ZFHX2: variants seen among roughly 807,000 people sequenced by gnomAD.
ZFHX2 encodes zinc finger homeobox protein 2.
A neutral mutation model predicts 164.8 loss-of-function variants in ZFHX2; 75 were observed. That is an observed-to-expected ratio of 0.46 (90% confidence interval 0.38 to 0.55). ZFHX2 has a LOEUF of 0.55. Among genes scored for constraint, ZFHX2 ranks in the 20% least tolerant of loss-of-function variants. ZFHX2 has a pLI of 0.00. For synonymous variants in ZFHX2, 1,217 were observed against 1,351.4 expected (o/e 0.90, Z 2.18); for missense variants, 2,933 against 3,308.0 (o/e 0.89, Z 2.78).
Position 23,523,492 on chromosome 14 carries a change from A to G in ZFHX2, c.6450T>C (p.Tyr2150=). Residue 2150 remains tyrosine, a synonymous_variant, in exon 9 of 10, where the codon TAT becomes TAC. Transcript: ENST00000419474. The surrounding 1 kb of genome is among the most constrained non-coding windows in gnomAD (Gnocchi z 4.1). ...CATAGAAATCATACTTGACATCACA[A>G]TAGGGGCAGTCAGTGCGCTGGGCTG... ...LLAAQRTDCP[Y]CDVKYDFYVS... 6.5e-7 allele frequency: 1 copy of G among 1,536,304 alleles called. No homozygotes were observed. Among genetic ancestry groups the G allele is most frequent in the Non-Finnish European group, 8.7e-7 (1 of 1,146,912 alleles).
At position 23,526,551 on chromosome 14, in the gene ZFHX2, G is replaced by T; in HGVS notation, c.3391C>A (p.Pro1131Thr). The T allele has an allele frequency of 1.3e-6, 2 of 1,535,928 alleles. No homozygotes were observed. Among genetic ancestry groups the T allele is most frequent in the Non-Finnish European group, 1.7e-6 (2 of 1,146,838 alleles). The change falls in exon 9 of 10, where the codon CCT becomes ACT. Residue 1131 changes from proline to threonine, a missense_variant. Physicochemically the swap from Pro to Thr is conservative, Grantham distance 38. Transcript: ENST00000419474. ...TCTTCAGCTTGGGCATCAGGTTCAGGGACTGGAGATGGGGCTGGAGAAGGG... is the reference window on the plus strand; with the variant it reads ...TCTTCAGCTTGGGCATCAGGTTCAGTGACTGGAGATGGGGCTGGAGAAGGG... ...QPPSPAPSPV[P>T]EPDAQAEDVA...
intron 4 of ZFHX2, chr14:23,530,520 C>G: frequency 1.8e-6 from 1 of 542,004 alleles, no homozygotes; most frequent in Non-Finnish European, 3.5e-6. Context: ...ATGGGAAGCC[C>G]CAGAGAAATG....
At chr14:23,530,545 C>T in intron 4 of ZFHX2, 1 of 482,498 alleles carries the variant, frequency 2.1e-6, no homozygotes, top group Admixed American at 2.8e-5. Context: ...AGGAGGGGCA[C>T]TGAAGAAGGA....
At chr14:23,548,067 TCC>T (rs1398624992) in intron 1 of ZFHX2, among the ~76,000 whole-genome samples, 3 of 152,224 alleles carry the variant, frequency 2.0e-5, no homozygotes, top group African/African-American at 7.2e-5. Flanking sequence ...CCCGATCCCT[TCC>T]CTCTGCATTC....
At chr14:23,531,217 G>A (rs1006858036) in intron 4 of ZFHX2, 5 of 361,000 alleles carry the variant, frequency 1.4e-5, no homozygotes, top group African/African-American at 8.4e-5. Context: ...AGAATCACTG[G>A]GTGGTTCCTC....
chr14:23,526,951 A>G lies in ZFHX2; in HGVS notation c.3158T>C (p.Phe1053Ser). 6.6e-7 allele frequency: 1 copy of G among 1,525,094 alleles called. No individual in the cohort carries two copies. The highest frequency in any genetic ancestry group is 8.7e-7 in the Non-Finnish European group (1 of 1,142,950). The allele number at this position is 1,525,094 out of a possible 1,614,324, so 94.5% of individuals were successfully genotyped here. The change falls in exon 8 of 10, where the codon TTT becomes TCT. Residue 1053 changes from phenylalanine to serine, a missense_variant. Coordinates refer to ENST00000419474, the MANE Select transcript of ZFHX2 (RefSeq NM_033400.3). ...LLVATTVEMT[F>S]TTKVLSAPTL... Reference sequence around the variant, plus strand: ...GGGTGCAGACAGCACTTTGGTTGTAAATGTCATTTCTACAGTTGTAGCCTG... The same window carrying G: ...GGGTGCAGACAGCACTTTGGTTGTAGATGTCATTTCTACAGTTGTAGCCTG...
Position 23,533,298 on chromosome 14 carries a change from C to T in ZFHX2, c.2028G>A (p.Lys676=), listed in dbSNP as rs765835738. The change falls in exon 2 of 10, where the codon AAG becomes AAA. Residue 676 remains lysine (K), a synonymous_variant. Coordinates refer to ENST00000419474, the MANE Select transcript of ZFHX2 (RefSeq NM_033400.3). The surrounding 1 kb of genome is among the most constrained non-coding windows in gnomAD (Gnocchi z 4.8). The part of the protein sequence containing the change: ...GFHHVGAPAR[K]FPTSAPGSLS... Reference sequence around the variant, plus strand: ...ACAGAAGCTTACCGGATGTGGGGAACTTGCGGGCAGGTGCTCCTACGTGGT... The same window carrying T: ...ACAGAAGCTTACCGGATGTGGGGAATTTGCGGGCAGGTGCTCCTACGTGGT... The T allele has an allele frequency of 7.1e-5, 102 of 1,436,566 alleles. No individual in the cohort carries two copies. The highest frequency in any genetic ancestry group is 9.1e-5 in the Non-Finnish European group (100 of 1,099,446). 89.0% of individuals were successfully genotyped at this position (1,436,566 alleles called of 1,614,324 possible).
rs538189646 is a variant in ZFHX2 at position 23,546,167 on chromosome 14, C to G, written c.-50+5176G>C. ...CCAGACTCTCCATGCATAAACTGCT[C>G]TGCAGAGAGGTCTTGCACACCCTGG... On this transcript the variant is annotated intron_variant, in intron 1 of 9. Transcript: ENST00000419474. The surrounding 1 kb of genome is among the most constrained non-coding windows in gnomAD (Gnocchi z 4.7). 1.3e-5 allele frequency among the ~76,000 whole-genome samples: 2 copies of G among 152,350 alleles called. No individual in the cohort carries two copies. The highest frequency in any genetic ancestry group is 4.1e-4 in the South Asian group (2 of 4,834).
At chr14:23,530,893 C>G in intron 4 of ZFHX2, 1 of 218,788 alleles carries the variant, frequency 4.6e-6, no homozygotes, top group Non-Finnish European at 9.0e-6. Flanking sequence ...CCTCTGGCAG[C>G]CCCTTGCAGG....
rs1320552428 is a variant in ZFHX2, at chr14:23,534,383, C to T, written c.943G>A (p.Glu315Lys). 1 of 1,536,830 alleles carries T rather than the reference C, an allele frequency of 6.5e-7. No homozygotes were observed. Among genetic ancestry groups the T allele is most frequent in the Admixed American group, 2.0e-5 (1 of 51,000 alleles). Reference protein sequence around the residue: ...PLDNSSTVNMEANVAQTEDGP... With the variant: ...PLDNSSTVNMKANVAQTEDGP... ...TCCTCTGTCTGGGCCACATTCGCCT[C>T]CATGTTCACTGTGCTGCTGTTGTCA... The change falls in exon 2 of 10, where the codon GAG becomes AAG. Residue 315 changes from glutamate to lysine, a missense_variant. Transcript: ENST00000419474. The surrounding 1 kb of genome is among the most constrained non-coding windows in gnomAD (Gnocchi z 4.5).
chr14:23,524,756 G>A lies in ZFHX2; in HGVS notation c.5186C>T (p.Ala1729Val), dbSNP rs1182705152. 1.1e-5 allele frequency: 17 copies of A among 1,536,444 alleles called. No homozygotes were observed. Among genetic ancestry groups the A allele is most frequent in the Non-Finnish European group, 1.5e-5 (17 of 1,146,952 alleles). The part of the protein sequence containing the change: ...VEEEQGLEPP[A>V]GPEGPLPEPP... ...CTCTGGTAATGGGCCCTCAGGCCCT[G>A]CTGGAGGTTCAAGGCCCTGTTCCTC... The change falls in exon 9 of 10, where the codon GCA becomes GTA. Residue 1729 changes from alanine to valine, a missense_variant. Transcript: ENST00000419474. The surrounding 1 kb of genome is among the most constrained non-coding windows in gnomAD (Gnocchi z 5.6).
rs61733356 is a variant in ZFHX2 at position 23,522,287 on chromosome 14, G to A, written c.7394C>T (p.Pro2465Leu). The change falls in exon 10 of 10, where the codon CCG becomes CTG. Residue 2465 changes from proline to leucine, a missense_variant. Transcript: ENST00000419474. Reference sequence around the variant, plus strand: ...GAAGGATCTCTGGTGGGCAGTAGCCGGGGCCTCCCCGTCAAATGCCATCTT... The same window carrying A: ...GAAGGATCTCTGGTGGGCAGTAGCCAGGGCCTCCCCGTCAAATGCCATCTT... Reference protein sequence around the residue: ...QCKMAFDGEAPATAHQRSFCF... With the variant: ...QCKMAFDGEALATAHQRSFCF... 1.1e-3 allele frequency: 1,701 copies of A among 1,503,916 alleles called. 20 individuals carry two copies. In the African/African-American group the frequency reaches 0.019, roughly 16 times the overall value. The allele number at this position is 1,503,916 out of a possible 1,614,324, so 93.2% of individuals were successfully genotyped here. A position where few individuals can be genotyped will look rare whatever the true frequency, so the allele number is the denominator to read the frequency against.
At chr14:23,547,363 G>A (rs962621701) in intron 1 of ZFHX2, among the ~76,000 whole-genome samples, 5 of 152,206 alleles carry the variant, frequency 3.3e-5, no homozygotes, top group South Asian at 2.1e-4. Flanking sequence ...GTATATATAC[G>A]GTTATGACCA....
In ZFHX2 at chr14:23,523,259, A is replaced by C; in HGVS notation, c.6683T>G (p.Leu2228Ter). 1.4e-6 allele frequency: 2 copies of C among 1,436,098 alleles called. No homozygotes were observed. The highest frequency in any genetic ancestry group is 1.8e-6 in the Non-Finnish European group (2 of 1,099,208). 89.0% of individuals were successfully genotyped at this position (1,436,098 alleles called of 1,614,324 possible). A position where few individuals can be genotyped will look rare whatever the true frequency, so the allele number is the denominator to read the frequency against. Residue 2228 changes from leucine (L) to a stop codon, truncating the protein, a stop_gained, in exon 9 of 10, where the codon TTA becomes TGA. Coordinates refer to ENST00000419474, the MANE Select transcript of ZFHX2 (RefSeq NM_033400.3). LOFTEE classifies it high-confidence loss of function. The surrounding 1 kb of genome is among the most constrained non-coding windows in gnomAD (Gnocchi z 4.1). ...PTLPRLAPVL[L>*]SGPALAQPPL... ...GGGCTGAGCCAGAGCTGGGCCAGATAAGAGGACCGGCGCCAGGCGAGGCAA... is the reference window on the plus strand; with the variant it reads ...GGGCTGAGCCAGAGCTGGGCCAGATCAGAGGACCGGCGCCAGGCGAGGCAA...
chr14:23,553,427 C>T (rs538031581), upstream of ZFHX2, among the ~76,000 whole-genome samples: 200 of 151,484 alleles, frequency 1.3e-3, no homozygotes, highest in African/African-American at 4.8e-3. Flanking sequence ...TGGTGAAACC[C>T]TGTCTCTACT....
In ZFHX2 at chr14:23,525,655, G is replaced by A; in HGVS notation, c.4287C>T (p.Asp1429=). ...TGCGGGCAGCCTCGTTGGGCAATGG[G>A]TCGGGGGGTGAGGAAGGCCCTGCCT... is the stretch of plus-strand genomic sequence containing the variant. ...GNEAGPSSPP[D]PLPNEAARTA... is the part of the protein sequence containing the mutation. Residue 1429 remains aspartate (D), a synonymous_variant, in exon 9 of 10, where the codon GAC becomes GAT. Transcript: ENST00000419474. The surrounding 1 kb of genome is among the most constrained non-coding windows in gnomAD (Gnocchi z 5.9). 6.5e-7 allele frequency: 1 copy of A among 1,535,590 alleles called. No individual in the cohort carries two copies.
At position 23,522,387 on chromosome 14, in the gene ZFHX2, C is replaced by T; in HGVS notation, c.7294G>A (p.Val2432Ile). The part of the protein sequence containing the change: ...PAPGEGEAGE[V>I]DELLTGSTGI... ...GTGCTGCCTGTCAGCAGCTCATCAA[C>T]CTCACCAGCTTCCCCCTCCCCTGGA... is the stretch of plus-strand genomic sequence containing the variant. The change falls in exon 10 of 10, where the codon GTT (valine) becomes ATT (isoleucine). Residue 2432 changes from valine to isoleucine, a missense_variant. Val to Ile is a conservative substitution (Grantham distance 29). Transcript: ENST00000419474. The T allele has an allele frequency of 1.3e-6, 2 of 1,536,310 alleles. No individual in the cohort carries two copies. Among genetic ancestry groups the T allele is most frequent in the Non-Finnish European group, 8.7e-7 (1 of 1,146,916 alleles).
At position 23,524,376 on chromosome 14, in the gene ZFHX2, T is replaced by C. The variant is rs1051236914; in HGVS notation, c.5566A>G (p.Arg1856Gly). 1 of 1,536,210 alleles carries C rather than the reference T, an allele frequency of 6.5e-7. No homozygotes were observed. Among genetic ancestry groups the C allele is most frequent in the Non-Finnish European group, 8.7e-7 (1 of 1,146,910 alleles). ...AGGGGEGEPP[R>G]DKRLRTTILP... The stretch of plus-strand genomic sequence containing the variant: ...ATGGTGGTGCGCAGGCGCTTGTCCC[T>C]GGGGGGCTCGCCCTCCCCTCCTCCC... Residue 1856 changes from arginine (R) to glycine (G), a missense_variant, in exon 9 of 10, where the codon AGG becomes GGG. Arg to Gly is a moderately radical substitution (Grantham distance 125). Transcript: ENST00000419474. The surrounding 1 kb of genome is among the most constrained non-coding windows in gnomAD (Gnocchi z 5.6).
intron 1 of ZFHX2, among the ~76,000 whole-genome samples, chr14:23,538,471 C>G (rs1403563652): frequency 6.6e-6 from 1 of 152,070 alleles, no homozygotes; most frequent in Non-Finnish European, 1.5e-5. Context: ...CTCAGAATCG[C>G]TAGGTCCCTT....
Sources: gnomAD v4.1 joint callset for allele counts (sites outside exome capture counted in the v4.1 genomes callset) on GRCh38, gnomAD v4.1.1 for gene constraint, Gnocchi (gnomAD v3.1) non-coding constraint, MANE v1.5 for transcripts, NCBI Gene and HGNC (gene_info 2026-07-23, HGNC 2026-07-21) for gene names.